Variants in CSMD1 observed in about 807,000 individuals in gnomAD.
The protein encoded by CSMD1 is CUB and Sushi multiple domains 1.
In CSMD1, 213 loss-of-function variants were observed where a neutral mutation model predicts 417.5. The ratio of observed to expected loss-of-function variants is 0.51; its 90% CI spans 0.46 to 0.57. CSMD1 has a LOEUF of 0.57. Ranked by LOEUF, CSMD1 falls within the 20% of genes least tolerant of loss-of-function variation. The pLI, the probability that CSMD1 is intolerant of heterozygous loss-of-function variation, is 0.00. For synonymous variants in CSMD1, 2,862 were observed against 1,736.8 expected (o/e 1.65, Z -16.11); for missense variants, 6,923 against 4,529.7 (o/e 1.53, Z -15.17).
At chr8:4,487,415 G>A (rs1321898215) in intron 2 of CSMD1, among the ~76,000 whole-genome samples, 1 of 152,052 alleles carries the variant, frequency 6.6e-6, no homozygotes, top group Non-Finnish European at 1.5e-5. Flanking sequence ...AACATGCAGT[G>A]TTTGGTTTTT....
intron 1 of CSMD1, among the ~76,000 whole-genome samples, chr8:4,646,923 G>A (rs911929747): frequency 5.9e-5 from 9 of 152,156 alleles, no homozygotes; most frequent in African/African-American, 2.2e-4. Flanking sequence ...ATCAAAATTA[G>A]TACACACATT....
Position 3,609,113 on chromosome 8 carries a change from G to A in CSMD1, c.1097+7597C>T, listed in dbSNP as rs572950310. ...GAAGCTTTGATATCAGTAGGATCCAGCTCTGACTCTGACAAGATATAGCAC... is the reference window on the plus strand; with the variant it reads ...GAAGCTTTGATATCAGTAGGATCCAACTCTGACTCTGACAAGATATAGCAC... On this transcript the variant is annotated intron_variant, in intron 8 of 69. Transcript: ENST00000635120. Among the ~76,000 whole-genome samples, 164 of 152,296 alleles carry A rather than the reference G, an allele frequency of 1.1e-3. 1 individual carries two copies. The highest frequency in any genetic ancestry group is 3.6e-3 in the African/African-American group (150 of 41,560).
intron 20 of CSMD1, among the ~76,000 whole-genome samples, chr8:3,366,126 G>T (rs1282559470): frequency 6.6e-6 from 1 of 152,170 alleles, no homozygotes; most frequent in Admixed American, 6.5e-5. Flanking sequence ...TCTGGGCTAT[G>T]AGGAATAAGG....
intron 8 of CSMD1, among the ~76,000 whole-genome samples, chr8:3,595,518 A>G (rs1015970019): frequency 1.3e-5 from 2 of 152,180 alleles, no homozygotes; most frequent in Admixed American, 1.3e-4. Context: ...AAAGGAAACT[A>G]ATATTTTATG....
chr8:3,388,531 G>T (rs5026894), intron 17 of CSMD1, among the ~76,000 whole-genome samples: 2 of 152,032 alleles, frequency 1.3e-5, no homozygotes, highest in African/African-American at 4.8e-5. Flanking sequence ...TGAATTAAAA[G>T]TCTTAAAAAT....
intron 3 of CSMD1, among the ~76,000 whole-genome samples, chr8:4,127,061 A>G (rs1297956466): frequency 6.9e-6 from 1 of 144,654 alleles, no homozygotes; most frequent in Non-Finnish European, 1.5e-5. Flanking sequence ...GTTTTAGCCA[A>G]AAATCAGTCA....
intron 1 of CSMD1, among the ~76,000 whole-genome samples, chr8:4,777,562 T>C (rs1796929042): frequency 6.6e-6 from 1 of 152,202 alleles, no homozygotes; most frequent in East Asian, 1.9e-4. Flanking sequence ...AGAGCTGTTG[T>C]TCCTTATCAG....
chr8:4,357,166 T>C (rs753305777), intron 3 of CSMD1, among the ~76,000 whole-genome samples: 2 of 152,138 alleles, frequency 1.3e-5, no homozygotes, highest in African/African-American at 2.4e-5. Context: ...TAAAATATGG[T>C]ACGCAAATGC....
At chr8:3,776,233 A>G (rs1798880793) in intron 5 of CSMD1, among the ~76,000 whole-genome samples, 1 of 152,150 alleles carries the variant, frequency 6.6e-6, no homozygotes, top group Non-Finnish European at 1.5e-5. Flanking sequence ...ATCCGGATGG[A>G]GGTCACAGCC....
At chr8:4,206,816 G>A (rs1420142575) in intron 3 of CSMD1, among the ~76,000 whole-genome samples, 2 of 152,108 alleles carry the variant, frequency 1.3e-5, no homozygotes, top group Non-Finnish European at 2.9e-5. Context: ...TAATATTTAT[G>A]ACTTTTGAGT....
chr8:3,471,090 C>T (rs998989989), intron 11 of CSMD1, among the ~76,000 whole-genome samples: 3 of 152,176 alleles, frequency 2.0e-5, no homozygotes, highest in Non-Finnish European at 2.9e-5. Flanking sequence ...AAAGAAACTA[C>T]CAAATTTTTC....
chr8:3,934,409 A>G (rs1436935584), intron 5 of CSMD1, among the ~76,000 whole-genome samples: 3 of 152,210 alleles, frequency 2.0e-5, no homozygotes, highest in Admixed American at 2.0e-4. Flanking sequence ...GAAATCAGTA[A>G]TGAACACCGG....
At chr8:4,461,567 G>A (rs1170240465) in intron 2 of CSMD1, among the ~76,000 whole-genome samples, 1 of 148,922 alleles carries the variant, frequency 6.7e-6, no homozygotes, top group African/African-American at 2.5e-5. Context: ...GGGGTGGGGT[G>A]TTGGGGGATA....
At chr8:3,394,378 G>C (rs888435685) in intron 17 of CSMD1, among the ~76,000 whole-genome samples, 1 of 151,216 alleles carries the variant, frequency 6.6e-6, no homozygotes, top group Non-Finnish European at 1.5e-5. Flanking sequence ...TCCAGAAAGA[G>C]AAATAAGAAG....
At chr8:4,696,773 G>C (rs1018045851) in intron 1 of CSMD1, among the ~76,000 whole-genome samples, 1 of 152,118 alleles carries the variant, frequency 6.6e-6, no homozygotes, top group African/African-American at 2.4e-5. Flanking sequence ...AATGACTGAA[G>C]GACTGCATCA....
intron 1 of CSMD1, among the ~76,000 whole-genome samples, chr8:4,673,155 G>T (rs139430501): frequency 6.6e-6 from 1 of 152,092 alleles, no homozygotes; most frequent in Admixed American, 6.6e-5. Flanking sequence ...GGGAAAAAGG[G>T]ATTCTATGGA....
chr8:4,854,842 C>A (rs1801699665), intron 1 of CSMD1, among the ~76,000 whole-genome samples: 1 of 152,258 alleles, frequency 6.6e-6, no homozygotes, highest in East Asian at 1.9e-4. Flanking sequence ...GGGGGAGGGG[C>A]GCCCGCCATT....
intron 49 of CSMD1, among the ~76,000 whole-genome samples, chr8:3,067,973 G>C (rs1271097169): frequency 6.6e-6 from 1 of 152,094 alleles, no homozygotes; most frequent in Non-Finnish European, 1.5e-5. Context: ...CAGCTCTGAA[G>C]TGTGTGTTCC....
At chr8:4,061,993 T>C (rs986024414) in intron 3 of CSMD1, among the ~76,000 whole-genome samples, 3 of 152,092 alleles carry the variant, frequency 2.0e-5, no homozygotes, top group African/African-American at 7.2e-5. Context: ...TGCTGCCCTG[T>C]CTGAGAGGTC....
Sources: allele counts gnomAD v4.1 joint callset (sites outside exome capture counted in the v4.1 genomes callset), GRCh38; gene constraint gnomAD v4.1.1; transcripts MANE v1.5; gene names NCBI Gene and HGNC (gene_info 2026-07-23, HGNC 2026-07-21).